The following PAQR3 variants were observed in gnomAD, a reference collection of about 807,000 sequenced individuals.
PAQR3 encodes Raf kinase trapping to Golgi.
Under a neutral mutation model 41.7 loss-of-function variants are expected in PAQR3, and 39 were observed. The observed-to-expected ratio is 0.93, with a 90% CI of 0.72 to 1.22. The LOEUF is 1.22. PAQR3 is among the 50% of genes most tolerant of loss of function. PAQR3 has a pLI of 0.00. For missense variants in PAQR3, 366 were observed against 385.6 expected (o/e 0.95, Z 0.42); for synonymous variants, 140 against 140.6 (o/e 1.00, Z 0.03).
At chr4:78,931,068 C>A (rs565662262) in intron 2 of PAQR3, among the ~76,000 whole-genome samples, 2 of 150,726 alleles carry the variant, frequency 1.3e-5, no homozygotes, top group South Asian at 4.2e-4. Flanking sequence ...AAAAAACAGG[C>A]TGGTGTAGTA....
chr4:78,937,525 C>A lies in PAQR3; in HGVS notation c.185+1515G>T, dbSNP rs180896338. ...CATTATCATCATCTGTTCAGCTTCACAACCACTGGTGATGACAACAATCAC... is the reference window on the plus strand; with the variant it reads ...CATTATCATCATCTGTTCAGCTTCAAAACCACTGGTGATGACAACAATCAC... On this transcript the variant is annotated intron_variant, in intron 1 of 5. Transcript: ENST00000512733. 2.6e-3 allele frequency among the ~76,000 whole-genome samples: 393 copies of A among 152,310 alleles called. 1 individual carries two copies. Among genetic ancestry groups the A allele is most frequent in the Non-Finnish European group, 4.4e-3 (301 of 68,024 alleles).
At chr4:78,911,617 G>C (rs1490464847), downstream of PAQR3, 2 of 1,613,988 alleles carry the variant, frequency 1.2e-6, no homozygotes, top group East Asian at 4.5e-5. Context: ...GCACAAAAAA[G>C]TGGGCCGCCG....
chr4:78,928,730 C>A (rs548044070), intron 3 of PAQR3, among the ~76,000 whole-genome samples: 2 of 152,310 alleles, frequency 1.3e-5, no homozygotes, highest in African/African-American at 4.8e-5. Flanking sequence ...GGGAGGCAGG[C>A]AGAGATGGTT....
At chr4:78,938,043 T>C (rs905425917) in intron 1 of PAQR3, among the ~76,000 whole-genome samples, 1 of 152,304 alleles carries the variant, frequency 6.6e-6, no homozygotes, top group East Asian at 1.9e-4. Flanking sequence ...CTTGTGACCA[T>C]GAGTCACAGA....
intron 1 of PAQR3, among the ~76,000 whole-genome samples, chr4:78,936,721 C>G (rs1480675523): frequency 2.0e-5 from 3 of 152,172 alleles, no homozygotes; most frequent in Non-Finnish European, 2.9e-5. Context: ...ACTGTTTTGA[C>G]AATCAGTACT....
At position 78,920,009 on chromosome 4, in the gene PAQR3, T is replaced by C. The variant is rs1246069598; in HGVS notation, c.*530A>G. ...GAGAAGAACCTATAGCTAAAGGATA[T>C]AATATCTGAAGTGCCAGTTTCTCAC... On this transcript the variant is annotated 3_prime_UTR_variant, in exon 6 of 6. Coordinates refer to ENST00000512733, the MANE Select transcript of PAQR3 (RefSeq NM_001040202.2). The C allele has an allele frequency of 1.0e-6, 1 of 985,224 alleles. No homozygotes were observed. The highest frequency in any genetic ancestry group is 1.2e-6 in the Non-Finnish European group (1 of 829,566). 61.0% of individuals were successfully genotyped at this position (985,224 alleles called of 1,614,324 possible).
At position 78,939,077 on chromosome 4, in the gene PAQR3, A is replaced by G; in HGVS notation, c.148T>C (p.Tyr50His). ...AGCCTGGACGGCAGGTAGGCCCGGT[A>G]GCCGTCGGTGATGTACGGGTTGTCC... ...LKDNPYITDGYRAYLPSRLCI... is the reference protein window; with the variant it reads ...LKDNPYITDGHRAYLPSRLCI... Residue 50 changes from tyrosine to histidine, a missense_variant, in exon 1 of 6, where the codon TAC becomes CAC. Transcript: ENST00000512733. 1.9e-6 allele frequency: 3 copies of G among 1,612,026 alleles called. No individual in the cohort carries two copies. Among genetic ancestry groups the G allele is most frequent in the Non-Finnish European group, 2.5e-6 (3 of 1,178,504 alleles).
intron 2 of PAQR3, chr4:78,933,192 G>T (rs1204936767): frequency 4.4e-6 from 2 of 456,076 alleles, no homozygotes; most frequent in South Asian, 1.5e-5. Context: ...TACCAGGTTG[G>T]TTCTGTTCAG....
intron 11 of PAQR3, among the ~76,000 whole-genome samples, chr4:78,893,018 A>G (rs1453127979): frequency 6.6e-6 from 1 of 152,208 alleles, no homozygotes; most frequent in Non-Finnish European, 1.5e-5. Context: ...ACTCTTCATG[A>G]AAGACTTCTC....
At chr4:78,933,073 T>G (rs555464661) in intron 2 of PAQR3, 45 of 431,746 alleles carry the variant, frequency 1.0e-4, no homozygotes, top group Non-Finnish European at 1.8e-4. Flanking sequence ...CAAAAACTAG[T>G]ACCTGCAAGT....
chr4:78,926,685 C>T lies in PAQR3; in HGVS notation c.538G>A (p.Ala180Thr), dbSNP rs376117005. 3.3e-5 allele frequency: 53 copies of T among 1,613,848 alleles called. No homozygotes were observed. The highest frequency in any genetic ancestry group is 4.2e-6 in the Non-Finnish European group (5 of 1,179,908). ...WRQVYLITVLAMILAVFFAQI... is the reference protein window; with the variant it reads ...WRQVYLITVLTMILAVFFAQI... ...GCAAAGAACACTGCCAGGATCATAG[C>T]AAGCACTGTGATCAAGTACACCTGA... The change falls in exon 4 of 6, where the codon GCT (alanine) becomes ACT (threonine). Residue 180 changes from alanine (A) to threonine (T), a missense_variant. Coordinates refer to ENST00000512733, the MANE Select transcript of PAQR3 (RefSeq NM_001040202.2).
In PAQR3 at chr4:78,935,482, A is replaced by G. The variant is rs141008662; in HGVS notation, c.186-199T>C. Among the ~76,000 whole-genome samples, 20 of 152,256 alleles carry G rather than the reference A, an allele frequency of 1.3e-4. No individual in the cohort carries two copies. The East Asian group carries it at 3.5e-3, about 26-fold the overall frequency. ...ACATCGCCACCAAGTCTGGGACCAC[A>G]GTTTTTTGGGTGCTCACCTCTATTA... On this transcript the variant is annotated intron_variant, in intron 1 of 5. Transcript: ENST00000512733.
downstream of PAQR3, among the ~76,000 whole-genome samples, chr4:78,909,710 A>G (rs1173923714): frequency 2.0e-5 from 3 of 152,142 alleles, no homozygotes; most frequent in Non-Finnish European, 2.9e-5. Flanking sequence ...ACCACTGTCC[A>G]AAGTAGGTTT....
intron 1 of PAQR3, 26 bp downstream of exon 1, chr4:78,939,014 T>A: frequency 1.3e-6 from 2 of 1,553,274 alleles, no homozygotes; most frequent in Non-Finnish European, 1.8e-6. Context: ...AAGGGGGCAC[T>A]CCAGGCGGAG....
downstream of PAQR3, among the ~76,000 whole-genome samples, chr4:78,909,055 CTTT>C (rs1053664659): frequency 5.3e-5 from 5 of 94,410 alleles, no homozygotes; most frequent in African/African-American, 4.6e-5. Flanking sequence ...TTCCCTTAGT[CTTT>C]TTTTTTTTTT....
At chr4:78,902,776 A>G (rs1269230769) in intron 11 of PAQR3, among the ~76,000 whole-genome samples, 1 of 152,122 alleles carries the variant, frequency 6.6e-6, no homozygotes, top group African/African-American at 2.4e-5. Flanking sequence ...CTGATTCTAG[A>G]AGAGCGGTAA....
At chr4:78,928,332 T>A (rs1736464784) in intron 3 of PAQR3, among the ~76,000 whole-genome samples, 1 of 152,236 alleles carries the variant, frequency 6.6e-6, no homozygotes, top group South Asian at 2.1e-4. Flanking sequence ...AATAGCATAC[T>A]GCTAAAATCA....
At chr4:78,890,890 G>C (rs1273105511) in intron 11 of PAQR3, among the ~76,000 whole-genome samples, 1 of 152,128 alleles carries the variant, frequency 6.6e-6, no homozygotes, top group Non-Finnish European at 1.5e-5. Context: ...TGCATGAGAG[G>C]AAGTTCTAAG....
chr4:78,887,180 T>G (rs752276478), exon 13 of PAQR3: 3 of 1,600,422 alleles, frequency 1.9e-6, no homozygotes. Flanking sequence ...GCAGATAGGC[T>G]CGAGGAGAGA....
Sources: gnomAD v4.1 joint callset for allele counts (sites outside exome capture counted in the v4.1 genomes callset) on GRCh38, gnomAD v4.1.1 for gene constraint, MANE v1.5 for transcripts, NCBI Gene and HGNC (gene_info 2026-07-23, HGNC 2026-07-21) for gene names.